The following EXOC6B variants were observed in gnomAD, a reference collection of about 807,000 sequenced individuals.
EXOC6B encodes exocyst complex component 6B.
A neutral mutation model predicts 113.5 loss-of-function variants in EXOC6B; 54 were observed. The ratio of observed to expected loss-of-function variants is 0.48; its 90% CI spans 0.38 to 0.60. The LOEUF (loss-of-function observed/expected upper bound fraction) is 0.60, where lower values mean the gene tolerates loss of function less well. EXOC6B is among the 20% of genes least tolerant of loss of function. EXOC6B has a pLI of 0.00. For missense variants in EXOC6B, 797 were observed against 977.5 expected (o/e 0.82, Z 2.46); for synonymous variants, 357 against 339.0 (o/e 1.05, Z -0.58).
chr2:72,630,526 C>T (rs1427149175), intron 6 of EXOC6B, among the ~76,000 whole-genome samples: 2 of 152,100 alleles, frequency 1.3e-5, no homozygotes, highest in Non-Finnish European at 2.9e-5. Flanking sequence ...CAAAACCTGT[C>T]CTAATAAAAC....
chr2:72,739,901 A>G (rs1326282348), intron 2 of EXOC6B, among the ~76,000 whole-genome samples: 2 of 152,162 alleles, frequency 1.3e-5, no homozygotes, highest in African/African-American at 4.8e-5. Context: ...TTAAAACCTT[A>G]GGACCTAATG....
rs375784776 is a variant in EXOC6B, at chr2:72,379,712, G to A, written c.2122+17C>T. The A allele has an allele frequency of 1.3e-5, 21 of 1,598,980 alleles. No individual in the cohort carries two copies. In the African/African-American group the frequency reaches 2.7e-4, roughly 20 times the overall value. On this transcript the variant is annotated intron_variant, in intron 19 of 21. Coordinates refer to ENST00000272427, the MANE Select transcript of EXOC6B (RefSeq NM_015189.3). Reference sequence around the variant, plus strand: ...TGCTGGTAAGATAAACAAGCACAGGGATGGTCACTGTCTTACGTTCACATT... The same window carrying A: ...TGCTGGTAAGATAAACAAGCACAGGAATGGTCACTGTCTTACGTTCACATT...
intron 6 of EXOC6B, among the ~76,000 whole-genome samples, chr2:72,710,413 C>A (rs1259696235): frequency 6.6e-6 from 1 of 150,808 alleles, no homozygotes; most frequent in Non-Finnish European, 1.5e-5. Flanking sequence ...TTTTTTAAGG[C>A]AAGCAGAAAA....
intron 20 of EXOC6B, among the ~76,000 whole-genome samples, chr2:72,271,653 T>G (rs560636291): frequency 6.6e-6 from 1 of 152,268 alleles, no homozygotes; most frequent in South Asian, 2.1e-4. Flanking sequence ...TTATATAATG[T>G]AAAGTAGCCT....
intron 18 of EXOC6B, among the ~76,000 whole-genome samples, chr2:72,436,088 G>A (rs892620258): frequency 6.6e-6 from 1 of 152,142 alleles, no homozygotes; most frequent in Admixed American, 6.6e-5. Flanking sequence ...TGTAAGGCTG[G>A]TCTGGTAGTG....
intron 18 of EXOC6B, among the ~76,000 whole-genome samples, chr2:72,459,028 C>A (rs531174205): frequency 3.3e-5 from 5 of 152,052 alleles, no homozygotes; most frequent in African/African-American, 1.2e-4. Context: ...TCTAAAAACA[C>A]AAACAAAAAG....
chr2:72,575,398 A>G lies in EXOC6B; in HGVS notation c.846+94T>C, dbSNP rs540178854. 8 of 1,168,888 alleles carry G rather than the reference A, an allele frequency of 6.8e-6. No homozygotes were observed. The Admixed American group carries it at 9.7e-5, about 14-fold the overall frequency. 72.4% of individuals were successfully genotyped at this position (1,168,888 alleles called of 1,614,324 possible). A position where few individuals can be genotyped will look rare whatever the true frequency, so the allele number is the denominator to read the frequency against. ...GTATTTGATATTCAGAAGATCACACAAACTACATTATATGGATAAACTCTT... is the reference window on the plus strand; with the variant it reads ...GTATTTGATATTCAGAAGATCACACGAACTACATTATATGGATAAACTCTT... On this transcript the variant is annotated intron_variant, in intron 7 of 21. Coordinates refer to ENST00000272427, the MANE Select transcript of EXOC6B (RefSeq NM_015189.3).
At chr2:72,712,768 G>A (rs1372915599) in intron 6 of EXOC6B, among the ~76,000 whole-genome samples, 1 of 152,140 alleles carries the variant, frequency 6.6e-6, no homozygotes, top group Non-Finnish European at 1.5e-5. Context: ...TTTATTGGAT[G>A]TACATACAAG....
At chr2:72,487,092 C>T (rs893092832) in intron 16 of EXOC6B, among the ~76,000 whole-genome samples, 3 of 152,180 alleles carry the variant, frequency 2.0e-5, no homozygotes, top group African/African-American at 7.2e-5. Context: ...ATACTCCTCA[C>T]CCAGCTTCCC....
At chr2:72,370,593 CAA>C in intron 19 of EXOC6B, among the ~76,000 whole-genome samples, 1 of 152,258 alleles carries the variant, frequency 6.6e-6, no homozygotes, top group Non-Finnish European at 1.5e-5. Flanking sequence ...CTCACAATGG[CAA>C]AGACTTGGAA....
chr2:72,422,285 G>T (rs948135689), intron 18 of EXOC6B, among the ~76,000 whole-genome samples: 1 of 152,228 alleles, frequency 6.6e-6, no homozygotes, highest in Non-Finnish European at 1.5e-5. Context: ...AGCCAGCTGG[G>T]CTCCTGAGTC....
intron 8 of EXOC6B, among the ~76,000 whole-genome samples, chr2:72,523,792 A>G (rs1701619309): frequency 6.6e-6 from 1 of 151,026 alleles, no homozygotes; most frequent in Non-Finnish European, 1.5e-5. Context: ...AAAAAAAAAA[A>G]AAAAAAAAAA....
At chr2:72,728,325 C>A (rs138662853) in intron 5 of EXOC6B, among the ~76,000 whole-genome samples, 100 of 152,254 alleles carry the variant, frequency 6.6e-4, no homozygotes, top group African/African-American at 2.4e-3. Flanking sequence ...CTATATTTAA[C>A]TAATCCCTAT....
At chr2:72,341,471 A>G (rs563155041) in intron 19 of EXOC6B, among the ~76,000 whole-genome samples, 148 of 152,310 alleles carry the variant, frequency 9.7e-4, no homozygotes, top group African/African-American at 3.5e-3. Flanking sequence ...GTATTGTCTT[A>G]TATCAGACAA....
chr2:72,652,438 T>TA (rs1674246859), intron 6 of EXOC6B, among the ~76,000 whole-genome samples: 1 of 152,134 alleles, frequency 6.6e-6, no homozygotes, highest in African/African-American at 2.4e-5. Context: ...GCTGATTATA[T>TA]AGGATACATA....
At position 72,179,490 on chromosome 2, in the gene EXOC6B, A is replaced by G. The variant is rs376847083; in HGVS notation, c.2310-29T>C. ...AACAGAGAAGGAAAGAAAGAGGGCA[A>G]CATGTTTGAGGAAACAATGGTGGAA... On this transcript the variant is annotated intron_variant, in intron 21 of 21. Coordinates refer to ENST00000272427, the MANE Select transcript of EXOC6B (RefSeq NM_015189.3). 11 of 1,613,424 alleles carry G rather than the reference A, an allele frequency of 6.8e-6. No homozygotes were observed. The African/African-American group carries it at 1.1e-4, about 16-fold the overall frequency.
intron 12 of EXOC6B, among the ~76,000 whole-genome samples, chr2:72,499,065 T>C (rs1046499786): frequency 1.3e-5 from 2 of 151,976 alleles, no homozygotes; most frequent in Admixed American, 6.6e-5. Flanking sequence ...GTTCAATTAA[T>C]TGATTTGATG....
At chr2:72,405,775 T>C (rs554685357) in intron 18 of EXOC6B, among the ~76,000 whole-genome samples, 9 of 152,172 alleles carry the variant, frequency 5.9e-5, no homozygotes, top group Non-Finnish European at 1.3e-4. Context: ...CCATCGATGC[T>C]AGGAAGAAAC....
chr2:72,319,960 C>G (rs1687756492), intron 20 of EXOC6B, among the ~76,000 whole-genome samples: 1 of 152,058 alleles, frequency 6.6e-6, no homozygotes, highest in Non-Finnish European at 1.5e-5. Context: ...CCTCAGCCTC[C>G]TGAGTAGCTG....
Sources: allele counts gnomAD v4.1 joint callset (sites outside exome capture counted in the v4.1 genomes callset), GRCh38; gene constraint gnomAD v4.1.1; transcripts MANE v1.5; gene names NCBI Gene and HGNC (gene_info 2026-07-23, HGNC 2026-07-21).